The following SYT2 variants were observed in gnomAD, a reference collection of about 807,000 sequenced individuals.
The protein encoded by SYT2 is synaptotagmin-2.
A neutral mutation model predicts 39.9 loss-of-function variants in SYT2; 15 were observed. That is an observed-to-expected ratio of 0.38 (90% CI 0.25 to 0.58). The LOEUF (loss-of-function observed/expected upper bound fraction) is 0.58, where lower values mean the gene tolerates loss of function less well. Among genes scored for constraint, SYT2 ranks in the 20% least tolerant of loss-of-function variants. The probability of loss-of-function intolerance (pLI) is 0.70; values close to 1 mark genes in which losing one functional copy is unlikely to be tolerated. For synonymous variants in SYT2, 181 were observed against 204.5 expected (o/e 0.89, Z 0.98); for missense variants, 389 against 530.3 (o/e 0.73, Z 2.62).
At chr1:202,624,125 TGTG>T (rs757567323) in intron 1 of SYT2, among the ~76,000 whole-genome samples, 3 of 151,850 alleles carry the variant, frequency 2.0e-5, no homozygotes, top group South Asian at 2.1e-4. Context: ...AGTGCGTGAG[TGTG>T]GTGGTGTGTG....
At chr1:202,624,823 C>G (rs1166476360) in intron 1 of SYT2, among the ~76,000 whole-genome samples, 91 of 43,700 alleles carry the variant, frequency 2.1e-3, no homozygotes, top group Middle Eastern at 0.013. Flanking sequence ...TGTGTGGTGT[C>G]TGGTCTGTAG....
At chr1:202,691,530 G>C (rs987357689) in intron 1 of SYT2, among the ~76,000 whole-genome samples, 2 of 151,760 alleles carry the variant, frequency 1.3e-5, no homozygotes, top group South Asian at 2.1e-4. Flanking sequence ...TGCACCTGCA[G>C]TTCCAGCTAC....
chr1:202,667,639 A>T (rs113972013), intron 1 of SYT2, among the ~76,000 whole-genome samples: 1,780 of 152,272 alleles, frequency 0.012, 27 homozygotes, highest in African/African-American at 0.041. Flanking sequence ...AGTCAATACA[A>T]AAGTCCCATG....
chr1:202,692,735 T>A (rs1471689374), intron 1 of SYT2, among the ~76,000 whole-genome samples: 6 of 152,092 alleles, frequency 3.9e-5, no homozygotes, highest in African/African-American at 1.4e-4. Flanking sequence ...ACAACACTAG[T>A]TTTCTCCTCA....
intron 1 of SYT2, among the ~76,000 whole-genome samples, chr1:202,631,055 T>G (rs947890016): frequency 1.3e-5 from 2 of 152,102 alleles, no homozygotes; most frequent in African/African-American, 2.4e-5. Flanking sequence ...ATAGCACATA[T>G]CACAGCCGAG....
chr1:202,639,603 C>G, intron 1 of SYT2: 1 of 985,488 alleles, frequency 1.0e-6, no homozygotes, highest in Non-Finnish European at 1.2e-6. Context: ...ACAGCCTTTC[C>G]TCATGACTAA....
intron 1 of SYT2, among the ~76,000 whole-genome samples, chr1:202,624,704 G>C (rs1558435736): frequency 2.8e-5 from 4 of 142,044 alleles, no homozygotes; most frequent in Non-Finnish European, 1.5e-5. Context: ...CGTGTAGTAG[G>C]GTGTGTGTGT....
chr1:202,699,804 C>T (rs1228462805), intron 1 of SYT2, among the ~76,000 whole-genome samples: 1 of 151,354 alleles, frequency 6.6e-6, no homozygotes, highest in Non-Finnish European at 1.5e-5. Context: ...GCACTGGGCT[C>T]TACCGGCTGA....
chr1:202,644,400 G>A (rs1692029389), intron 1 of SYT2, among the ~76,000 whole-genome samples: 1 of 152,180 alleles, frequency 6.6e-6, no homozygotes, highest in Admixed American at 6.5e-5. Flanking sequence ...GGGCAGGGAG[G>A]ACCGAGAGCC....
At chr1:202,710,121 C>T (rs1306771007) in intron 1 of SYT2, 137 bp downstream of exon 1, 4 of 152,298 alleles carry the variant, frequency 2.6e-5, no homozygotes, top group African/African-American at 9.7e-5. Context: ...ACTCCCGGCC[C>T]CCTTGGCCTC....
At chr1:202,604,768 A>C in intron 2 of SYT2, 147 bp from the exon 3 acceptor site, 1 of 455,500 alleles carries the variant, frequency 2.2e-6, no homozygotes, top group Admixed American at 3.8e-5. Context: ...CCCATGAGTG[A>C]TTTGTATGTA....
At chr1:202,644,728 T>TTG (rs1485136782) in intron 1 of SYT2, among the ~76,000 whole-genome samples, 1 of 150,950 alleles carries the variant, frequency 6.6e-6, no homozygotes, top group East Asian at 2.0e-4. Flanking sequence ...TGCATGTGTG[T>TTG]TGGGGGGGGC....
At chr1:202,634,682 G>A (rs1691694886) in intron 1 of SYT2, among the ~76,000 whole-genome samples, 1 of 152,162 alleles carries the variant, frequency 6.6e-6, no homozygotes, top group South Asian at 2.1e-4. Context: ...TCTACACAAT[G>A]GAATGTTATT....
At chr1:202,638,488 G>A (rs1407830918) in intron 1 of SYT2, among the ~76,000 whole-genome samples, 4 of 152,244 alleles carry the variant, frequency 2.6e-5, no homozygotes, top group African/African-American at 2.4e-5. Context: ...TCTGCTCGGA[G>A]GCCTTTCTGC....
chr1:202,601,561 A>G lies in SYT2; in HGVS notation c.801+329T>C, dbSNP rs1651366937. Among the ~76,000 whole-genome samples the G allele has an allele frequency of 6.6e-6, 1 of 152,268 alleles. No individual in the cohort carries two copies. Among genetic ancestry groups the G allele is most frequent in the South Asian group, 2.1e-4 (1 of 4,834 alleles). ...GGTGAACTGAGGCACAGAGGCGTGA[A>G]TCACTGGCCTTAGGTAATAGCAGAA... On this transcript the variant is annotated intron_variant, in intron 6 of 8. Coordinates refer to ENST00000367268, the MANE Select transcript of SYT2 (RefSeq NM_177402.5). The surrounding 1 kb of genome is among the most constrained non-coding windows in gnomAD (Gnocchi z 4.0).
At chr1:202,647,486 C>T (rs2149100665) in intron 1 of SYT2, among the ~76,000 whole-genome samples, 1 of 152,254 alleles carries the variant, frequency 6.6e-6, no homozygotes, top group South Asian at 2.1e-4. Flanking sequence ...ATGAGCACCC[C>T]CAACAGCTGA....
At chr1:202,701,477 C>A (rs1248477176) in intron 1 of SYT2, among the ~76,000 whole-genome samples, 1 of 152,140 alleles carries the variant, frequency 6.6e-6, no homozygotes, top group Non-Finnish European at 1.5e-5. Flanking sequence ...GATGTGCACT[C>A]CAGAATCAAG....
At chr1:202,616,495 CAT>C (rs1190948770) in intron 1 of SYT2, among the ~76,000 whole-genome samples, 1 of 152,200 alleles carries the variant, frequency 6.6e-6, no homozygotes, top group African/African-American at 2.4e-5. Flanking sequence ...CACACATACA[CAT>C]ATGCACACAC....
intron 1 of SYT2, among the ~76,000 whole-genome samples, chr1:202,658,050 T>C (rs10800847): frequency 0.45 from 67,630 of 151,810 alleles, 16,832 homozygotes; most frequent in East Asian, 0.79. Flanking sequence ...CCAGAGCTCA[T>C]CGAGTGACCT....
Sources: gnomAD v4.1 joint callset for allele counts (sites outside exome capture counted in the v4.1 genomes callset) on GRCh38, gnomAD v4.1.1 for gene constraint, Gnocchi (gnomAD v3.1) non-coding constraint, MANE v1.5 for transcripts, NCBI Gene and HGNC (gene_info 2026-07-23, HGNC 2026-07-21) for gene names.